Variants in SEBOX observed in about 807,000 individuals in gnomAD.
The protein encoded by SEBOX is homeobox protein SEBOX.
In SEBOX, 10 loss-of-function variants were observed where a neutral mutation model predicts 7.8. The ratio of observed to expected loss-of-function variants is 1.28; its 90% CI spans 0.79 to 2.17. The LOEUF (loss-of-function observed/expected upper bound fraction) is 2.17. Ranked by LOEUF, SEBOX falls within the 30% of genes most tolerant of loss-of-function variation. The pLI, the probability that SEBOX is intolerant of heterozygous loss-of-function variation, is 0.00. For missense variants in SEBOX, 240 were observed against 239.5 expected, an observed-to-expected ratio of 1.00 and a Z score of -0.01; for synonymous variants, 98 against 91.5, an observed-to-expected ratio of 1.07 and a Z score of -0.40.
In SEBOX at chr17:28,363,860, G is replaced by T. The variant is rs1442243334; in HGVS notation, c.*408C>A. 6.6e-6 allele frequency among the ~76,000 whole-genome samples: 1 copy of T among 152,208 alleles called. No individual in the cohort carries two copies. The highest frequency in any genetic ancestry group is 1.5e-5 in the Non-Finnish European group (1 of 68,036). On this transcript the variant is annotated 3_prime_UTR_variant, in exon 3 of 3. Coordinates refer to ENST00000536498, the MANE Select transcript of SEBOX (RefSeq NM_001080837.4). Reference sequence around the variant, plus strand: ...CCTCTCCTACCTCACTTAGCAGTTAGCAAGGTAATGGCCTGGAGAGACCTC... The same window carrying T: ...CCTCTCCTACCTCACTTAGCAGTTATCAAGGTAATGGCCTGGAGAGACCTC...
At chr17:28,364,771 G>A (rs1191986486) in intron 2 of SEBOX, 24 bp downstream of exon 2, 1 of 1,613,246 alleles carries the variant, frequency 6.2e-7, no homozygotes, top group African/African-American at 1.3e-5. Context: ...GATGTTGGCT[G>A]TGTGAGAAGG....
In SEBOX at chr17:28,364,442, A is replaced by G; in HGVS notation, c.399T>C (p.Pro133=). 1 of 1,599,392 alleles carries G rather than the reference A, an allele frequency of 6.3e-7. No homozygotes were observed. The highest frequency in any genetic ancestry group is 8.5e-7 in the Non-Finnish European group (1 of 1,172,474). The change falls in exon 3 of 3, where the codon CCT becomes CCC. Residue 133 remains proline, a synonymous_variant. Coordinates refer to ENST00000536498, the MANE Select transcript of SEBOX (RefSeq NM_001080837.4). ...CCCAGCCCTGCCGTGGACTCAAGCC[A>G]GGAGCTGGACAGGAGCTATGTCGAC... is the stretch of plus-strand genomic sequence containing the variant. ...SVCRHSSCPA[P]GLSPRQGWEG...
Position 28,364,807 on chromosome 17 carries a change from C to T in SEBOX, c.180G>A (p.Glu60=), listed in dbSNP as rs2067894967. ...GGTCACAGCTCACCTGTACCTTGGC[C>T]TCAGGAAGGCAAGTGACCCAGGCCA... The part of the protein sequence containing the change: ...EHLAWVTCLP[E]AKVQVWFQKR... Residue 60 remains glutamate (E), a synonymous_variant, in exon 2 of 3, where the codon GAG becomes GAA. Coordinates refer to ENST00000536498, the MANE Select transcript of SEBOX (RefSeq NM_001080837.4). 6.2e-7 allele frequency: 1 copy of T among 1,613,912 alleles called. No homozygotes were observed. Among genetic ancestry groups the T allele is most frequent in the Non-Finnish European group, 8.5e-7 (1 of 1,179,864 alleles).
chr17:28,363,564 T>TA lies in SEBOX; in HGVS notation c.*703dup, dbSNP rs2067880334. On this transcript the variant is annotated 3_prime_UTR_variant, in exon 3 of 3. Coordinates refer to ENST00000536498, the MANE Select transcript of SEBOX (RefSeq NM_001080837.4). ...TAGTTGGTATTACAGGTGATGGTGATACCAAAACCCAATGCTGCTATACCT... is the reference window on the plus strand; with the variant it reads ...TAGTTGGTATTACAGGTGATGGTGATAACCAAAACCCAATGCTGCTATACCT... 1 of 152,214 alleles carries TA rather than the reference T, an allele frequency of 6.6e-6. No homozygotes were observed. Among genetic ancestry groups the TA allele is most frequent in the Non-Finnish European group, 1.5e-5 (1 of 68,042 alleles). 9.4% of individuals were successfully genotyped at this position (152,214 alleles called of 1,614,324 possible).
rs782686106 is a variant in SEBOX, at chr17:28,364,351, G to A, written c.490C>T (p.Arg164Ter). The A allele has an allele frequency of 9.3e-5, 149 of 1,597,956 alleles. No homozygotes were observed. The highest frequency in any genetic ancestry group is 1.1e-4 in the Non-Finnish European group (130 of 1,172,308). Reference protein sequence around the residue: ...GASEVHPSLERATPQTSLGSL... With the variant: ...GASEVHPSLE ...CCTAGTGAAGTCTGGGGAGTAGCTC[G>A]CTCTAAAGAAGGGTGGACCTCTGAA... Residue 164 changes from arginine to a stop codon, truncating the protein, a stop_gained, in exon 3 of 3, where the codon CGA (arginine) becomes TGA (stop). Coordinates refer to ENST00000536498, the MANE Select transcript of SEBOX (RefSeq NM_001080837.4). LOFTEE classifies it high-confidence loss of function.
chr17:28,364,366 G>A lies in SEBOX; in HGVS notation c.475C>T (p.His159Tyr), dbSNP rs1555582653. 2 of 1,594,808 alleles carry A rather than the reference G, an allele frequency of 1.3e-6. No homozygotes were observed. Among genetic ancestry groups the A allele is most frequent in the Non-Finnish European group, 1.7e-6 (2 of 1,170,538 alleles). ...GGAGTAGCTCGCTCTAAAGAAGGGT[G>A]GACCTCTGAAGCCCCAGCTGATCCC... ...PWGSAGASEV[H>Y]PSLERATPQT... Residue 159 changes from histidine (H) to tyrosine (Y), a missense_variant, in exon 3 of 3, where the codon CAC (histidine) becomes TAC (tyrosine). By Grantham distance (83) the His-to-Tyr change is moderately conservative (BLOSUM62 2). Transcript: ENST00000536498.
At position 28,364,452 on chromosome 17, in the gene SEBOX, C is replaced by T; in HGVS notation, c.389G>A (p.Cys130Tyr). 1 of 1,602,142 alleles carries T rather than the reference C, an allele frequency of 6.2e-7. No homozygotes were observed. Among genetic ancestry groups the T allele is most frequent in the East Asian group, 2.2e-5 (1 of 44,496 alleles). Residue 130 changes from cysteine (C) to tyrosine (Y), a missense_variant, in exon 3 of 3, where the codon TGT becomes TAT. Coordinates refer to ENST00000536498, the MANE Select transcript of SEBOX (RefSeq NM_001080837.4). ...QRTSVCRHSSCPAPGLSPRQG... is the reference protein window; with the variant it reads ...QRTSVCRHSSYPAPGLSPRQG... ...CCGTGGACTCAAGCCAGGAGCTGGA[C>T]AGGAGCTATGTCGACACACTGAGGT...
At position 28,364,126 on chromosome 17, in the gene SEBOX, C is replaced by T. The variant is rs2067887807; in HGVS notation, c.*142G>A. The T allele has an allele frequency of 1.2e-6, 1 of 846,624 alleles. No individual in the cohort carries two copies. Among genetic ancestry groups the T allele is most frequent in the Non-Finnish European group, 1.8e-6 (1 of 564,000 alleles). 52.4% of individuals were successfully genotyped at this position (846,624 alleles called of 1,614,324 possible). A position where few individuals can be genotyped will look rare whatever the true frequency, so the allele number is the denominator to read the frequency against. On this transcript the variant is annotated 3_prime_UTR_variant, in exon 3 of 3. Coordinates refer to ENST00000536498, the MANE Select transcript of SEBOX (RefSeq NM_001080837.4). ...GGAGGCCAGTGGAAGGGAGGGATGC[C>T]TGAGCTAAACTCCTTTCCCGTAGGG...
At chr17:28,365,055 T>C in intron 1 of SEBOX, 66 bp downstream of exon 1, 2 of 1,577,242 alleles carry the variant, frequency 1.3e-6, no homozygotes, top group Non-Finnish European at 1.7e-6. Flanking sequence ...CCCACCCCTC[T>C]CCAACCGTCC....
At position 28,364,779 on chromosome 17, in the gene SEBOX, A is replaced by AG; in HGVS notation, c.192+15dup. ...AAGCCTAGATGTTGGCTGTGTGAGAAGGGGTCACAGCTCACCTGTACCTTG... is the reference window on the plus strand; with the variant it reads ...AAGCCTAGATGTTGGCTGTGTGAGAAGGGGGTCACAGCTCACCTGTACCTTG... On this transcript the variant is annotated intron_variant, in intron 2 of 2. Coordinates refer to ENST00000536498, the MANE Select transcript of SEBOX (RefSeq NM_001080837.4). 2 of 1,613,412 alleles carry AG rather than the reference A, an allele frequency of 1.2e-6. No homozygotes were observed. The highest frequency in any genetic ancestry group is 1.3e-5 in the African/African-American group (1 of 75,058).
In SEBOX at chr17:28,364,658, A is replaced by G. The variant is rs1555582738; in HGVS notation, c.193-10T>C. The G allele has an allele frequency of 1.3e-6, 2 of 1,545,158 alleles. No individual in the cohort carries two copies. The highest frequency in any genetic ancestry group is 4.2e-5 in the Admixed American group (2 of 47,982). On this transcript the variant is annotated splice_polypyrimidine_tract_variant and intron_variant, in intron 2 of 2. Coordinates refer to ENST00000536498, the MANE Select transcript of SEBOX (RefSeq NM_001080837.4). ...GCTTCTGGAACCACACCTGCTAGGA[A>G]AGAAGAAGGGGTCTGTTCTGGCCCC...
Position 28,364,431 on chromosome 17 carries a change from G to A in SEBOX, c.410C>T (p.Pro137Leu), listed in dbSNP as rs1422299973. 5 of 1,595,640 alleles carry A rather than the reference G, an allele frequency of 3.1e-6. No individual in the cohort carries two copies. Among genetic ancestry groups the A allele is most frequent in the Non-Finnish European group, 4.3e-6 (5 of 1,170,732 alleles). ...HSSCPAPGLS[P>L]RQGWEGAKAV... ...TTTAGCCCCTTCCCAGCCCTGCCGT[G>A]GACTCAAGCCAGGAGCTGGACAGGA... The change falls in exon 3 of 3, where the codon CCA (proline) becomes CTA (leucine). Residue 137 changes from proline to leucine, a missense_variant. Pro to Leu is a moderately conservative substitution (Grantham distance 98). Coordinates refer to ENST00000536498, the MANE Select transcript of SEBOX (RefSeq NM_001080837.4).
Position 28,364,285 on chromosome 17 carries a change from T to G in SEBOX, c.556A>C (p.Asn186His), listed in dbSNP as rs1397514131. ...GACAAAGACTAGGAGTGGTCCACAT[T>G]GACGACAATGGCCAAGGCATAGATG... is the stretch of plus-strand genomic sequence containing the variant. Reference protein sequence around the residue: ...DLIYALAIVVNVDHS With the variant: ...DLIYALAIVVHVDHS Residue 186 changes from asparagine (N) to histidine (H), a missense_variant, in exon 3 of 3, where the codon AAT becomes CAT. By Grantham distance (68) the Asn-to-His change is moderately conservative. Transcript: ENST00000536498. 1 of 1,607,836 alleles carries G rather than the reference T, an allele frequency of 6.2e-7. No individual in the cohort carries two copies. Among genetic ancestry groups the G allele is most frequent in the East Asian group, 2.2e-5 (1 of 44,644 alleles).
At chr17:28,365,096 G>A in intron 1 of SEBOX, 25 bp downstream of exon 1, 1 of 1,596,876 alleles carries the variant, frequency 6.3e-7, no homozygotes, top group Non-Finnish European at 8.6e-7. Flanking sequence ...TTCTCACCCT[G>A]CCCACACTTC....
Position 28,364,888 on chromosome 17 carries a change from C to G in SEBOX, c.99G>C (p.Glu33Asp), listed in dbSNP as rs1182199288. Residue 33 changes from glutamate to aspartate, a missense_variant, in exon 2 of 3, where the codon GAG becomes GAC. Physicochemically the swap from Glu to Asp is conservative, Grantham distance 45. Transcript: ENST00000536498. ...GCCATGCTGCAAACGCCCTCTCCAG[C>G]TCCAGTAGCTGCCCTTTGCTGAAGG... ...RTTFSKGQLL[E>D]LERAFAAWPY... The G allele has an allele frequency of 1.2e-5, 20 of 1,613,776 alleles. No homozygotes were observed. Among genetic ancestry groups the G allele is most frequent in the Non-Finnish European group, 1.7e-5 (20 of 1,179,860 alleles).
intron 2 of SEBOX, 67 bp downstream of exon 2, chr17:28,364,728 G>A: frequency 6.3e-7 from 1 of 1,596,704 alleles, no homozygotes; most frequent in Non-Finnish European, 8.5e-7. Context: ...CTGAAGGCAG[G>A]CTACCCAGCG....
rs563406161 is a variant in SEBOX, at chr17:28,365,158, G to A, written c.-7C>T. The A allele has an allele frequency of 1.2e-6, 2 of 1,611,064 alleles. No individual in the cohort carries two copies. Among genetic ancestry groups the A allele is most frequent in the East Asian group, 2.2e-5 (1 of 44,786 alleles). ...CATCCACAGGGCTGGGCATGGAGCT[G>A]GCAAAGGGTAAGGTGCCAGAGGGCC... is the stretch of plus-strand genomic sequence containing the variant. On this transcript the variant is annotated 5_prime_UTR_variant, in exon 1 of 3. Coordinates refer to ENST00000536498, the MANE Select transcript of SEBOX (RefSeq NM_001080837.4).
Position 28,364,572 on chromosome 17 carries a change from G to A in SEBOX, c.269C>T (p.Pro90Leu). 1 of 1,565,288 alleles carries A rather than the reference G, an allele frequency of 6.4e-7. No homozygotes were observed. The highest frequency in any genetic ancestry group is 8.7e-7 in the Non-Finnish European group (1 of 1,155,634). Residue 90 changes from proline (P) to leucine (L), a missense_variant, in exon 3 of 3, where the codon CCC becomes CTC. Transcript: ENST00000536498. ...GTCTGGAAGAGAACAGGAGCTCTGGGGGCACTCAGACCCAGGGCTTAGAAT... is the reference window on the plus strand; with the variant it reads ...GTCTGGAAGAGAACAGGAGCTCTGGAGGCACTCAGACCCAGGGCTTAGAAT... Reference protein sequence around the residue: ...SGILSPGSECPQSSCSLPDTL... With the variant: ...SGILSPGSECLQSSCSLPDTL...
In SEBOX at chr17:28,364,297, C is replaced by T. The variant is rs549291956; in HGVS notation, c.544G>A (p.Ala182Thr). Residue 182 changes from alanine (A) to threonine (T), a missense_variant, in exon 3 of 3, where the codon GCC becomes ACC. Coordinates refer to ENST00000536498, the MANE Select transcript of SEBOX (RefSeq NM_001080837.4). ...GAGTGGTCCACATTGACGACAATGG[C>T]CAAGGCATAGATGAGGTCAGACAGG... ...GSLSDLIYALAIVVNVDHS is the reference protein window; with the variant it reads ...GSLSDLIYALTIVVNVDHS 3 of 1,607,476 alleles carry T rather than the reference C, an allele frequency of 1.9e-6. No individual in the cohort carries two copies. Among genetic ancestry groups the T allele is most frequent in the South Asian group, 2.2e-5 (2 of 89,694 alleles).
Sources: gnomAD v4.1 joint callset for allele counts (sites outside exome capture counted in the v4.1 genomes callset) on GRCh38, gnomAD v4.1.1 for gene constraint, MANE v1.5 for transcripts, NCBI Gene and HGNC (gene_info 2026-07-23, HGNC 2026-07-21) for gene names.